Variants in FAF1 observed in about 807,000 individuals in gnomAD.
FAF1 encodes the protein Fas associated factor 1, also known as FAS-associated factor 1.
Under a neutral mutation model 92.5 loss-of-function variants are expected in FAF1, and 25 were observed. That is an observed-to-expected ratio of 0.27 (90% CI 0.20 to 0.38). The LOEUF is 0.38. Among genes scored for constraint, FAF1 ranks in the 10% least tolerant of loss-of-function variants. FAF1 has a pLI of 1.00. For synonymous variants in FAF1, 234 were observed against 273.2 expected (o/e 0.86, Z 1.42); for missense variants, 636 against 793.3 (o/e 0.80, Z 2.38).
chr1:50,490,589 T>G lies in FAF1; in HGVS notation c.1652A>C (p.Glu551Ala). 6.2e-7 allele frequency: 1 copy of G among 1,604,196 alleles called. No individual in the cohort carries two copies. The highest frequency in any genetic ancestry group is 8.5e-7 in the Non-Finnish European group (1 of 1,170,942). ...QIRKEQEEEREAIRLSLEQAL... is the reference protein window; with the variant it reads ...QIRKEQEEERAAIRLSLEQAL... The stretch of plus-strand genomic sequence containing the variant: ...ACTTTTCTTAAAATTATGCCCCACC[T>G]CACGTTCCTCTTCTTGTTCTTTGCG... The change falls in exon 17 of 19, where the codon GAG becomes GCG. Residue 551 changes from glutamate to alanine, a missense_variant and splice_region_variant. Transcript: ENST00000396153.
chr1:50,483,272 T>C (rs1047972346), intron 17 of FAF1, among the ~76,000 whole-genome samples: 3 of 152,294 alleles, frequency 2.0e-5, no homozygotes, highest in East Asian at 1.9e-4. Context: ...CCTTTCCCCA[T>C]TGAATTGCCT....
intron 1 of FAF1, among the ~76,000 whole-genome samples, chr1:50,921,892 C>G (rs1033650717): frequency 6.6e-6 from 1 of 152,142 alleles, no homozygotes; most frequent in African/African-American, 2.4e-5. Flanking sequence ...AATGGCCAGA[C>G]GTGATGGCTC....
At chr1:50,727,625 T>C (rs1367402703) in intron 6 of FAF1, among the ~76,000 whole-genome samples, 2 of 152,116 alleles carry the variant, frequency 1.3e-5, no homozygotes, top group Non-Finnish European at 2.9e-5. Context: ...ACTGTGATGG[T>C]TAATATCGGG....
chr1:50,703,005 TA>T (rs201118983), intron 7 of FAF1, among the ~76,000 whole-genome samples: 13 of 151,420 alleles, frequency 8.6e-5, no homozygotes, highest in Middle Eastern at 3.4e-3. Flanking sequence ...TTTCAAAAAT[TA>T]AAAAAAATAT....
chr1:50,751,328 ATTTG>A (rs1185606139), intron 4 of FAF1, among the ~76,000 whole-genome samples: 3 of 151,790 alleles, frequency 2.0e-5, no homozygotes, highest in Non-Finnish European at 2.9e-5. Context: ...CAGCATTTCT[ATTTG>A]TTTGATTGTT....
chr1:50,902,962 C>A (rs557857996), intron 1 of FAF1, among the ~76,000 whole-genome samples: 2 of 152,214 alleles, frequency 1.3e-5, no homozygotes, highest in South Asian at 4.1e-4. Context: ...TCCAACTACA[C>A]AATTTGGGTG....
chr1:50,757,040 T>C (rs1026999984), intron 4 of FAF1, among the ~76,000 whole-genome samples: 3 of 152,110 alleles, frequency 2.0e-5, no homozygotes, highest in Admixed American at 6.5e-5. Flanking sequence ...TAGGAATATG[T>C]TGTTTAATTT....
chr1:50,892,925 GT>G (rs1156714475), intron 1 of FAF1, among the ~76,000 whole-genome samples: 1 of 151,944 alleles, frequency 6.6e-6, no homozygotes, highest in Non-Finnish European at 1.5e-5. Context: ...TTTTAAGCAG[GT>G]TGTCTTCACA....
chr1:50,845,930 C>T (rs1644295090), intron 2 of FAF1, among the ~76,000 whole-genome samples: 1 of 151,938 alleles, frequency 6.6e-6, no homozygotes, highest in Non-Finnish European at 1.5e-5. Flanking sequence ...CGAGAACAAC[C>T]TGGCCAACAT....
chr1:50,576,780 C>T (rs1296581203), intron 12 of FAF1, among the ~76,000 whole-genome samples: 2 of 151,840 alleles, frequency 1.3e-5, no homozygotes, highest in Non-Finnish European at 2.9e-5. Flanking sequence ...GTAACTGGGA[C>T]CATAAGCACA....
chr1:50,595,131 T>C (rs1651736647), intron 9 of FAF1, among the ~76,000 whole-genome samples: 2 of 152,048 alleles, frequency 1.3e-5, no homozygotes, highest in Admixed American at 6.6e-5. Context: ...CTCGGCTCAC[T>C]ACAACCTCCA....
chr1:50,768,223 G>A (rs1297466072), intron 4 of FAF1, among the ~76,000 whole-genome samples: 1 of 152,002 alleles, frequency 6.6e-6, no homozygotes. Flanking sequence ...AATGCTAAAG[G>A]GTTCAATTCA....
At chr1:50,503,381 G>A (rs1016437138) in intron 15 of FAF1, among the ~76,000 whole-genome samples, 5 of 152,050 alleles carry the variant, frequency 3.3e-5, no homozygotes, top group Admixed American at 3.3e-4. Context: ...AGCACTTTGG[G>A]AGGCAAAGGT....
intron 4 of FAF1, among the ~76,000 whole-genome samples, chr1:50,750,622 C>CTTTTTTTTTTTTT (rs200229291): frequency 7.5e-6 from 1 of 133,766 alleles, no homozygotes; most frequent in Admixed American, 7.6e-5. Context: ...TTTTTCTTTT[C>CTTTTTTTTTTTTT]TTTTTTTTTT....
chr1:50,592,795 G>A (rs553392286), intron 9 of FAF1, among the ~76,000 whole-genome samples: 11 of 152,140 alleles, frequency 7.2e-5, no homozygotes, highest in South Asian at 2.1e-4. Context: ...TCAAAATGCC[G>A]GGCATGGTGG....
intron 1 of FAF1, among the ~76,000 whole-genome samples, chr1:50,920,420 C>T (rs1204692196): frequency 1.3e-5 from 2 of 152,104 alleles, no homozygotes; most frequent in Non-Finnish European, 2.9e-5. Context: ...AGATGACAGA[C>T]ATTGTCCCTG....
chr1:50,895,508 A>G (rs1403419615), intron 1 of FAF1, among the ~76,000 whole-genome samples: 1 of 152,208 alleles, frequency 6.6e-6, no homozygotes, highest in African/African-American at 2.4e-5. Context: ...GAATACTTAC[A>G]AACTCATTCT....
At chr1:50,534,701 G>A (rs890034051) in intron 15 of FAF1, among the ~76,000 whole-genome samples, 3 of 152,050 alleles carry the variant, frequency 2.0e-5, no homozygotes, top group South Asian at 2.1e-4. Context: ...ACAACTTCAC[G>A]GGTTATTTTG....
At chr1:50,623,836 A>G (rs1653329150) in intron 8 of FAF1, among the ~76,000 whole-genome samples, 1 of 151,890 alleles carries the variant, frequency 6.6e-6, no homozygotes, top group Non-Finnish European at 1.5e-5. Flanking sequence ...ACAACTACCC[A>G]AGAAGCTGAA....
Sources: allele counts gnomAD v4.1 joint callset (sites outside exome capture counted in the v4.1 genomes callset), GRCh38; gene constraint gnomAD v4.1.1; transcripts MANE v1.5; gene names NCBI Gene and HGNC (gene_info 2026-07-23, HGNC 2026-07-21).